The following COL21A1 variants were observed in gnomAD, a reference collection of about 807,000 sequenced individuals.
COL21A1 encodes the protein collagen type XXI alpha 1 chain.
A neutral mutation model predicts 137.9 loss-of-function variants in COL21A1; 149 were observed. That is an observed-to-expected ratio of 1.08 (90% CI 0.95 to 1.24). The LOEUF is 1.24. Ranked by LOEUF, COL21A1 falls within the 50% of genes most tolerant of loss-of-function variation. COL21A1 has a pLI of 0.00. For missense variants in COL21A1, 1,167 were observed against 1,158.4 expected (o/e 1.01, Z -0.11); for synonymous variants, 456 against 391.5 (o/e 1.16, Z -1.95).
At chr6:56,352,061 G>A (rs1482025345) in intron 1 of COL21A1, among the ~76,000 whole-genome samples, 3 of 152,146 alleles carry the variant, frequency 2.0e-5, no homozygotes, top group South Asian at 2.1e-4. Context: ...TGGAGCTCAG[G>A]AGTTCAAGAC....
At chr6:56,367,126 A>C (rs1293612460) in intron 1 of COL21A1, among the ~76,000 whole-genome samples, 1 of 152,236 alleles carries the variant, frequency 6.6e-6, no homozygotes, top group African/African-American at 2.4e-5. Context: ...TTTTAGTTAA[A>C]ATCAACTTTA....
chr6:56,276,793 GTTGTGTTTTTTTTGTTTTTT>G (rs1763669213), intron 1 of COL21A1: 2 of 1,019,358 alleles, frequency 2.0e-6, no homozygotes, highest in African/African-American at 3.4e-5. Flanking sequence ...TGTTCAGTGA[GTTGTGTTTTTTTTGTTTTTT>G]TTGTTTTTTT....
rs763809803 is a variant in COL21A1 at position 56,064,595 on chromosome 6, C to G, written c.2155G>C (p.Gly719Arg). The G allele has an allele frequency of 6.3e-7, 1 of 1,595,522 alleles. No homozygotes were observed. Among genetic ancestry groups the G allele is most frequent in the Admixed American group, 1.7e-5 (1 of 57,900 alleles). ...AAAAATACCTGTTGCCCTGGAATTC[C>G]CTGTCTTCCATTTTCTCCCTTTTGA... ...QGQKGENGRQ[G>R]IPGQQGIQGH... Residue 719 changes from glycine to arginine, a missense_variant, in exon 24 of 30, where the codon GGA (glycine) becomes CGA (arginine). By Grantham distance (125) the Gly-to-Arg change is moderately radical. Transcript: ENST00000244728.
chr6:56,141,171 A>G (rs1774380031), intron 12 of COL21A1, among the ~76,000 whole-genome samples: 1 of 152,200 alleles, frequency 6.6e-6, no homozygotes, highest in South Asian at 2.1e-4. Context: ...CACAGTAGCC[A>G]GGACATGGCC....
chr6:56,063,940 A>G (rs1766020931), intron 24 of COL21A1, among the ~76,000 whole-genome samples: 1 of 152,094 alleles, frequency 6.6e-6, no homozygotes, highest in South Asian at 2.1e-4. Context: ...AGCAGCAAAC[A>G]TGCTATCTAA....
chr6:56,319,593 C>A (rs1242568651), intron 1 of COL21A1, among the ~76,000 whole-genome samples: 1 of 152,160 alleles, frequency 6.6e-6, no homozygotes, highest in African/African-American at 2.4e-5. Context: ...CTACCCTGGC[C>A]CCCCAAAGTG....
At position 56,060,128 on chromosome 6, in the gene COL21A1, G is replaced by C; in HGVS notation, c.2498C>G (p.Pro833Arg). 6.2e-7 allele frequency: 1 copy of C among 1,610,960 alleles called. No homozygotes were observed. The highest frequency in any genetic ancestry group is 8.5e-7 in the Non-Finnish European group (1 of 1,179,060). The change falls in exon 28 of 30, where the codon CCT (proline) becomes CGT (arginine). Residue 833 changes from proline to arginine, a missense_variant. Transcript: ENST00000244728. Reference sequence around the variant, plus strand: ...GGGACCCTCTGGGCCTATCGGACCAGGTGGCCCAGGAATACCCGGGGAGCC... The same window carrying C: ...GGGACCCTCTGGGCCTATCGGACCACGTGGCCCAGGAATACCCGGGGAGCC... ...QHGSPGIPGP[P>R]GPIGPEGPRG...
At position 56,122,953 on chromosome 6, in the gene COL21A1, A is replaced by T. The variant is rs144318040; in HGVS notation, c.1758+1109T>A. Among the ~76,000 whole-genome samples, 542 of 152,334 alleles carry T rather than the reference A, an allele frequency of 3.6e-3. 2 individuals are homozygous for T. Among genetic ancestry groups the T allele is most frequent in the African/African-American group, 0.012 (518 of 41,570 alleles). On this transcript the variant is annotated intron_variant, in intron 16 of 29. Coordinates refer to ENST00000244728, the MANE Select transcript of COL21A1 (RefSeq NM_030820.4). ...CATTGCAAGCTGGAAATCCAACTCC[A>T]TTCTATTCTCTAAGCTCTCCTGCCT...
intron 1 of COL21A1, among the ~76,000 whole-genome samples, chr6:56,328,245 C>A (rs371410735): frequency 2.9e-4 from 44 of 152,148 alleles, no homozygotes; most frequent in South Asian, 4.1e-4. Flanking sequence ...AATATGAGTT[C>A]TTTCCCATTA....
At chr6:56,134,579 G>A (rs1773834705) in intron 12 of COL21A1, among the ~76,000 whole-genome samples, 1 of 152,164 alleles carries the variant, frequency 6.6e-6, no homozygotes, top group Non-Finnish European at 1.5e-5. Flanking sequence ...ATTTGGGAGG[G>A]AACAGGAGTG....
At chr6:56,230,229 A>G (rs1349943577) in intron 1 of COL21A1, among the ~76,000 whole-genome samples, 1 of 151,952 alleles carries the variant, frequency 6.6e-6, no homozygotes, top group East Asian at 1.9e-4. Flanking sequence ...TTTCTAGTCC[A>G]GTGTCCTATG....
In COL21A1 at chr6:56,189,156, A is replaced by G. The variant is rs944248767; in HGVS notation, c.-38-6500T>C. On this transcript the variant is annotated intron_variant, in intron 1 of 29. Coordinates refer to ENST00000244728, the MANE Select transcript of COL21A1 (RefSeq NM_030820.4). Reference sequence around the variant, plus strand: ...AGAAGTAGGCTTCAGAAGGTGGGTAATAACAAACTCCTTCAAGCTAAAGGA... The same window carrying G: ...AGAAGTAGGCTTCAGAAGGTGGGTAGTAACAAACTCCTTCAAGCTAAAGGA... Among the ~76,000 whole-genome samples the G allele has an allele frequency of 2.6e-5, 4 of 152,262 alleles. No homozygotes were observed. The South Asian group carries it at 8.3e-4, about 32-fold the overall frequency.
At chr6:56,331,322 C>CT (rs1429104957) in intron 1 of COL21A1, among the ~76,000 whole-genome samples, 1 of 150,738 alleles carries the variant, frequency 6.6e-6, no homozygotes, top group South Asian at 2.1e-4. Context: ...TGTTGCATTT[C>CT]TTTTTTAGGT....
intron 1 of COL21A1, 114 bp downstream of exon 1, chr6:56,247,273 G>A (rs1782707216): frequency 6.6e-6 from 1 of 152,310 alleles, no homozygotes; most frequent in African/African-American, 2.4e-5. Context: ...GCAGGGAGAA[G>A]ACTGCACCCC....
At chr6:56,267,548 G>GA (rs1217926883) in intron 1 of COL21A1, among the ~76,000 whole-genome samples, 1 of 151,938 alleles carries the variant, frequency 6.6e-6, no homozygotes, top group Non-Finnish European at 1.5e-5. Flanking sequence ...TATGAGGTCA[G>GA]AAAGTTCGAG....
At chr6:56,268,825 A>G (rs1235423042) in intron 1 of COL21A1, among the ~76,000 whole-genome samples, 1 of 152,204 alleles carries the variant, frequency 6.6e-6, no homozygotes, top group African/African-American at 2.4e-5. Flanking sequence ...CTGGATGGCA[A>G]GGAAGCTCAC....
At chr6:56,105,120 C>T (rs1770772833) in intron 16 of COL21A1, among the ~76,000 whole-genome samples, 1 of 152,156 alleles carries the variant, frequency 6.6e-6, no homozygotes, top group Non-Finnish European at 1.5e-5. Context: ...ACAGACAGGA[C>T]ATTTGGAAGG....
At chr6:56,352,248 A>G (rs888734653) in intron 1 of COL21A1, among the ~76,000 whole-genome samples, 5 of 152,196 alleles carry the variant, frequency 3.3e-5, no homozygotes, top group Non-Finnish European at 5.9e-5. Context: ...ATTATGGCTC[A>G]GCACAGCACT....
intron 16 of COL21A1, among the ~76,000 whole-genome samples, chr6:56,123,284 G>A (rs998860586): frequency 6.6e-6 from 1 of 152,178 alleles, no homozygotes; most frequent in Non-Finnish European, 1.5e-5. Flanking sequence ...TTATAGTCAG[G>A]TTACTACTGT....
Sources: allele counts gnomAD v4.1 joint callset (sites outside exome capture counted in the v4.1 genomes callset), GRCh38; gene constraint gnomAD v4.1.1; transcripts MANE v1.5; gene names NCBI Gene and HGNC (gene_info 2026-07-23, HGNC 2026-07-21).